Variants in ALPL observed in about 807,000 individuals in gnomAD.
ALPL encodes the protein alkaline phosphatase, tissue-nonspecific isozyme.
ALPL carries 42 observed loss-of-function variants against 51.3 expected under a neutral mutation model. That is an observed-to-expected ratio of 0.82 (90% CI 0.64 to 1.06). ALPL has a LOEUF of 1.06. ALPL is among the 50% of genes least tolerant of loss of function. The probability of loss-of-function intolerance (pLI) is 0.00; values close to 1 mark genes in which losing one functional copy is unlikely to be tolerated. For missense variants in ALPL, 589 were observed against 709.4 expected, an observed-to-expected ratio of 0.83 and a Z score of 1.93; for synonymous variants, 279 against 296.4, an observed-to-expected ratio of 0.94 and a Z score of 0.60.
Position 21,577,504 on chromosome 1 carries a change from G to A in ALPL, c.1431G>A (p.Gln477=). The change falls in exon 12 of 12, where the codon CAG becomes CAA. Residue 477 remains glutamine, a synonymous_variant. Coordinates refer to ENST00000374840, the MANE Select transcript of ALPL (RefSeq NM_000478.6). The stretch of plus-strand genomic sequence containing the variant: ...ACCTGCTGCACGGCGTCCACGAGCA[G>A]AACTACGTCCCCCACGTGATGGCGT... The part of the protein sequence containing the change: ...MAHLLHGVHE[Q]NYVPHVMAYA... 1.9e-6 allele frequency: 3 copies of A among 1,608,718 alleles called. No homozygotes were observed. Among genetic ancestry groups the A allele is most frequent in the Non-Finnish European group, 2.5e-6 (3 of 1,179,892 alleles).
intron 8 of ALPL, among the ~76,000 whole-genome samples, chr1:21,571,589 A>G (rs1644648757): frequency 6.6e-6 from 1 of 151,364 alleles, no homozygotes; most frequent in Non-Finnish European, 1.5e-5. Flanking sequence ...GGAGAATGGT[A>G]TGAACCCGGG....
At chr1:21,576,786 T>G (rs977595687) in intron 11 of ALPL, 145 bp downstream of exon 11, 23 of 1,140,060 alleles carry the variant, frequency 2.0e-5, no homozygotes, top group African/African-American at 4.6e-5. Context: ...AGTCCCAGGT[T>G]GTTTGATTCA....
At chr1:21,568,371 C>G in intron 7 of ALPL, 124 bp downstream of exon 7, 1 of 1,295,460 alleles carries the variant, frequency 7.7e-7, no homozygotes, top group Non-Finnish European at 1.1e-6. Flanking sequence ...CCTCCATGGG[C>G]TCAAATGGCC....
chr1:21,546,520 A>G (rs1374201900), intron 1 of ALPL, among the ~76,000 whole-genome samples: 2 of 152,182 alleles, frequency 1.3e-5, no homozygotes, highest in African/African-American at 4.8e-5. Flanking sequence ...AGGATGTTTT[A>G]GGAGAGATTG....
intron 1 of ALPL, among the ~76,000 whole-genome samples, chr1:21,551,986 A>G (rs1467245993): frequency 6.7e-6 from 1 of 149,608 alleles, no homozygotes; most frequent in East Asian, 2.0e-4. Flanking sequence ...CGGCCTCCCA[A>G]AGTGCTGGGA....
chr1:21,566,524 C>A (rs1416646554), intron 6 of ALPL, among the ~76,000 whole-genome samples: 4 of 152,038 alleles, frequency 2.6e-5, no homozygotes, highest in African/African-American at 7.2e-5. Flanking sequence ...CTCTGGACCT[C>A]AGGTGATCCG....
At chr1:21,551,724 T>TTG (rs1299976618) in intron 1 of ALPL, among the ~76,000 whole-genome samples, 2,841 of 120,310 alleles carry the variant, frequency 0.024, 175 homozygotes, top group African/African-American at 0.083. Context: ...GCGTGGTTTT[T>TTG]TTTTTTTTTT....
intron 1 of ALPL, among the ~76,000 whole-genome samples, chr1:21,535,978 A>G (rs528897630): frequency 6.6e-6 from 1 of 152,344 alleles, no homozygotes; most frequent in Middle Eastern, 3.4e-3. Context: ...CTTTTGTGTA[A>G]AACCTACTAG....
intron 1 of ALPL, among the ~76,000 whole-genome samples, chr1:21,545,167 AC>A (rs1481820090): frequency 6.6e-6 from 1 of 152,230 alleles, no homozygotes; most frequent in African/African-American, 2.4e-5. Context: ...CTGCCTTCTT[AC>A]ATATTTTAAG....
At chr1:21,559,185 T>G (rs150211890) in intron 2 of ALPL, among the ~76,000 whole-genome samples, 4,325 of 152,242 alleles carry the variant, frequency 0.028, 118 homozygotes, top group Non-Finnish European at 0.038. Context: ...TCCCGTTCTG[T>G]GCAGTGGGAG....
At chr1:21,540,132 G>A (rs12565845) in intron 1 of ALPL, among the ~76,000 whole-genome samples, 18,923 of 152,154 alleles carry the variant, frequency 0.12, 1,803 homozygotes, top group East Asian at 0.5. Context: ...TTGGCATCTA[G>A]GCTTGGCACA....
chr1:21,517,623 G>A (rs1312941107), intron 1 of ALPL, among the ~76,000 whole-genome samples: 1 of 152,122 alleles, frequency 6.6e-6, no homozygotes, highest in African/African-American at 2.4e-5. Context: ...CTAGAAGGAA[G>A]CATCCTGAGA....
intron 1 of ALPL, among the ~76,000 whole-genome samples, chr1:21,530,717 A>G (rs1644016662): frequency 4.6e-5 from 7 of 150,724 alleles, no homozygotes. Context: ...GGCCCCCTGT[A>G]GTGACTGTCG....
intron 1 of ALPL, among the ~76,000 whole-genome samples, chr1:21,552,106 TCCTCCCCTTCCCTTTCCTC>T (rs1363411481): frequency 2.4e-4 from 8 of 33,780 alleles, no homozygotes; most frequent in Admixed American, 7.7e-4. Context: ...CCCTTCCCTT[TCCTCCCCTTCCCTTTCCTC>T]CCTCCCCTCC....
intron 2 of ALPL, among the ~76,000 whole-genome samples, chr1:21,556,671 G>C (rs1028878535): frequency 4.6e-5 from 7 of 152,108 alleles, no homozygotes; most frequent in Non-Finnish European, 1.0e-4. Flanking sequence ...GGGAATGGTG[G>C]CTCACGCCTG....
At chr1:21,553,249 A>G (rs1326649328) in intron 1 of ALPL, among the ~76,000 whole-genome samples, 1 of 152,132 alleles carries the variant, frequency 6.6e-6, no homozygotes, top group Non-Finnish European at 1.5e-5. Context: ...GCACAAAAGA[A>G]AATTTTGGAA....
rs10917005 is a variant in ALPL at position 21,524,073 on chromosome 1, G to C, written c.-105+14556G>C. Among the ~76,000 whole-genome samples, 1,148 of 138,950 alleles carry C rather than the reference G, an allele frequency of 8.3e-3. 13 individuals are homozygous for C. Among genetic ancestry groups the C allele is most frequent in the African/African-American group, 0.029 (1,067 of 36,688 alleles). The allele number at this position is 138,950 out of a possible 152,430, so 91.2% of individuals were successfully genotyped here. On this transcript the variant is annotated intron_variant, in intron 1 of 11. Coordinates refer to ENST00000374840, the MANE Select transcript of ALPL (RefSeq NM_000478.6). ...GGCTGGAGTGCAGTGGCGTGATCTC[G>C]GCTCACTGCCACCTCCACCTCCCAG...
chr1:21,560,805 G>A lies in ALPL; in HGVS notation c.181+60G>A, dbSNP rs186811830. 2.5e-4 allele frequency: 405 copies of A among 1,606,394 alleles called. 5 individuals are homozygous for A. The East Asian group carries it at 6.3e-3, about 25-fold the overall frequency. ...GGACACCTAGCTAGGAGCCCCGGGAGCCAGGCTGAGTTGAAGGGGGCTGTG... is the reference window on the plus strand; with the variant it reads ...GGACACCTAGCTAGGAGCCCCGGGAACCAGGCTGAGTTGAAGGGGGCTGTG... On this transcript the variant is annotated intron_variant, in intron 3 of 11. Coordinates refer to ENST00000374840, the MANE Select transcript of ALPL (RefSeq NM_000478.6).
intron 6 of ALPL, among the ~76,000 whole-genome samples, chr1:21,567,206 C>T (rs932897149): frequency 2.0e-5 from 3 of 152,212 alleles, no homozygotes; most frequent in African/African-American, 7.2e-5. Flanking sequence ...AGGCTCTGCA[C>T]TCCCAAGGTG....
Sources: gnomAD v4.1 joint callset for allele counts (sites outside exome capture counted in the v4.1 genomes callset) on GRCh38, gnomAD v4.1.1 for gene constraint, MANE v1.5 for transcripts, NCBI Gene and HGNC (gene_info 2026-07-23, HGNC 2026-07-21) for gene names.